SLC5A9: variants seen among roughly 807,000 people sequenced by gnomAD.
The protein encoded by SLC5A9 is solute carrier family 5 member 9.
In SLC5A9, 59 loss-of-function variants were observed where a neutral mutation model predicts 70.9. That is an observed-to-expected ratio of 0.83 (90% confidence interval 0.68 to 1.03). The LOEUF is 1.03. SLC5A9 is among the 50% of genes least tolerant of loss of function. The probability of loss-of-function intolerance (pLI) is 0.00; values close to 1 mark genes in which losing one functional copy is unlikely to be tolerated. For synonymous variants in SLC5A9, 340 were observed against 346.5 expected (o/e 0.98, Z 0.21); for missense variants, 832 against 881.1 (o/e 0.94, Z 0.71).
chr1:48,241,587 A>T (rs1163254125), intron 12 of SLC5A9, among the ~76,000 whole-genome samples: 1 of 152,152 alleles, frequency 6.6e-6, no homozygotes, highest in African/African-American at 2.4e-5. Context: ...GAGAAGAGAG[A>T]AAGCCACCAG....
At chr1:48,233,051 GAAAAGAAAAGAA>G (rs972125758) in intron 8 of SLC5A9, among the ~76,000 whole-genome samples, 11 of 151,016 alleles carry the variant, frequency 7.3e-5, no homozygotes, top group South Asian at 4.2e-4. Context: ...GAAAGAAAAA[GAAAAGAAAAGAA>G]AAAAGAAAAG....
Position 48,232,170 on chromosome 1 carries a change from T to C in SLC5A9, c.897+19T>C. On this transcript the variant is annotated intron_variant, in intron 7 of 13. Transcript: ENST00000438567. ...AGACCAGGTAATCCCCCAGCCAGGC[T>C]TAGCCCAGCCTGCCAGGAAGTGGGG... 1 of 1,598,200 alleles carries C rather than the reference T, an allele frequency of 6.3e-7. No homozygotes were observed. The highest frequency in any genetic ancestry group is 8.6e-7 in the Non-Finnish European group (1 of 1,168,922).
chr1:48,239,573 T>C lies in SLC5A9; in HGVS notation c.1677+36T>C, dbSNP rs1644369301. 1.3e-6 allele frequency: 2 copies of C among 1,582,124 alleles called. No homozygotes were observed. The highest frequency in any genetic ancestry group is 1.7e-6 in the Non-Finnish European group (2 of 1,151,034). On this transcript the variant is annotated intron_variant, in intron 12 of 13. Transcript: ENST00000438567. This position sits in a 1 kb window ranked among gnomAD's most constrained non-coding sequence, Gnocchi z 4.2. The stretch of plus-strand genomic sequence containing the variant: ...TGCTCATACTGAGGCCCTCCAGAAA[T>C]GCTCTCCCTTCCCCCATAGCCTAGA...
chr1:48,242,405 C>T, intron 12 of SLC5A9, 52 bp from the exon 13 acceptor site: 3 of 1,534,956 alleles, frequency 2.0e-6, no homozygotes, highest in Non-Finnish European at 2.6e-6. Context: ...TGTTCTTCTA[C>T]AGCATGACTT....
chr1:48,243,784 A>C lies in SLC5A9; in HGVS notation c.1837+1168A>C, dbSNP rs538279200. Among the ~76,000 whole-genome samples, 487 of 152,336 alleles carry C rather than the reference A, an allele frequency of 3.2e-3. 1 individual carries two copies. The highest frequency in any genetic ancestry group is 0.011 in the African/African-American group (459 of 41,562). On this transcript the variant is annotated intron_variant, in intron 13 of 13. Coordinates refer to ENST00000438567, the MANE Select transcript of SLC5A9 (RefSeq NM_001011547.3). The stretch of plus-strand genomic sequence containing the variant: ...AATAAATAAATAAATAAATTCCAAA[A>C]AGTTAAATAAGTTTGCAAATTAAAG...
At chr1:48,223,926 C>T (rs1644106587) in intron 1 of SLC5A9, among the ~76,000 whole-genome samples, 1 of 152,166 alleles carries the variant, frequency 6.6e-6, no homozygotes, top group Admixed American at 6.5e-5. Flanking sequence ...GCTCGTATGG[C>T]CTCCAAGAGG....
At chr1:48,240,237 A>G (rs1569859224) in intron 12 of SLC5A9, 1 of 152,266 alleles carries the variant, frequency 6.6e-6, no homozygotes, top group South Asian at 2.1e-4. Context: ...TGTGGCTTGT[A>G]AAAGACTGTC....
rs139728181 is a variant in SLC5A9, at chr1:48,243,903, C to T, written c.1837+1287C>T. On this transcript the variant is annotated intron_variant, in intron 13 of 13. Transcript: ENST00000438567. ...GCCTCAGTGAAAGAAAGTCTTAATACAAGTAGATGAATAAGACATTGTCTC... is the reference window on the plus strand; with the variant it reads ...GCCTCAGTGAAAGAAAGTCTTAATATAAGTAGATGAATAAGACATTGTCTC... Among the ~76,000 whole-genome samples the T allele has an allele frequency of 8.1e-4, 124 of 152,220 alleles. 1 individual carries two copies. In the East Asian group the frequency reaches 0.02, roughly 25 times the overall value.
intron 11 of SLC5A9, among the ~76,000 whole-genome samples, chr1:48,238,884 G>A (rs895872457): frequency 6.6e-6 from 1 of 152,208 alleles, no homozygotes; most frequent in Non-Finnish European, 1.5e-5. Flanking sequence ...TCTCTATTCT[G>A]ATTTCTGATT....
intron 10 of SLC5A9, among the ~76,000 whole-genome samples, chr1:48,236,263 T>A (rs184636907): frequency 1.4e-4 from 21 of 152,250 alleles, no homozygotes; most frequent in Non-Finnish European, 2.6e-4. Context: ...ATTAATTTGA[T>A]CCATCAGATT....
chr1:48,237,585 C>T, intron 10 of SLC5A9, 94 bp from the exon 11 acceptor site: 2 of 1,260,078 alleles, frequency 1.6e-6, no homozygotes, highest in Non-Finnish European at 2.2e-6. Context: ...CATTCCCCTT[C>T]TTTCTCCCTT....
chr1:48,237,483 A>C (rs1644342219), intron 10 of SLC5A9, among the ~76,000 whole-genome samples, 196 bp from the exon 11 acceptor site: 1 of 152,164 alleles, frequency 6.6e-6, no homozygotes, highest in Non-Finnish European at 1.5e-5. Context: ...CTTCAGTTCC[A>C]AAATTCCTAT....
chr1:48,235,646 C>T (rs1045385471), intron 9 of SLC5A9, 83 bp from the exon 10 acceptor site: 24 of 1,548,514 alleles, frequency 1.5e-5, no homozygotes, highest in South Asian at 1.3e-4. Context: ...CCTGACTCTA[C>T]AGAATGCTCC....
chr1:48,246,547 T>G (rs1278714557), intron 13 of SLC5A9, among the ~76,000 whole-genome samples: 1 of 152,206 alleles, frequency 6.6e-6, no homozygotes, highest in African/African-American at 2.4e-5. Context: ...AATATTTACC[T>G]TATTACTTCT....
At chr1:48,244,878 G>GTGTGTGTATGTATATATATATA (rs1391896495) in intron 13 of SLC5A9, among the ~76,000 whole-genome samples, 1 of 29,418 alleles carries the variant, frequency 3.4e-5, no homozygotes, top group African/African-American at 8.4e-5. Context: ...ATGTGTATGT[G>GTGTGTGTATGTATATATATATA]TATATATATA....
At chr1:48,230,035 T>C (rs1485656471) in intron 4 of SLC5A9, among the ~76,000 whole-genome samples, 1 of 152,260 alleles carries the variant, frequency 6.6e-6, no homozygotes, top group African/African-American at 2.4e-5. Flanking sequence ...TGAAAAACAC[T>C]TTAAGGCCCT....
Position 48,247,400 on chromosome 1 carries a change from CAGGCCCTGAGCCCA to C in SLC5A9, c.1904_1917del (p.Gln635ArgfsTer14). The C allele has an allele frequency of 1.2e-6, 2 of 1,614,140 alleles. No homozygotes were observed. The highest frequency in any genetic ancestry group is 1.7e-6 in the Non-Finnish European group (2 of 1,180,018). On this transcript the variant is annotated frameshift_variant, in exon 14 of 14. Coordinates refer to ENST00000438567, the MANE Select transcript of SLC5A9 (RefSeq NM_001011547.3). LOFTEE classifies it low-confidence loss of function (END_TRUNC). The stretch of plus-strand genomic sequence containing the variant: ...CTGTGGGCTCTCTGGAACACCGGAG[CAGGCCCTGAGCCCA>C]GCAGAGAAGGCTGCGCTAGAACAGA...
Position 48,229,333 on chromosome 1 carries a change from C to T in SLC5A9, c.378C>T (p.Val126=). ...TCCTGGCCCTTGGCTGGGTCTTCGT[C>T]CCTGTGTACATCGCAGCAGGTGTGG... ...WLLLALGWVF[V]PVYIAAGVVT... Residue 126 remains valine, a synonymous_variant, in exon 4 of 14, where the codon GTC becomes GTT. Coordinates refer to ENST00000438567, the MANE Select transcript of SLC5A9 (RefSeq NM_001011547.3). 1.2e-6 allele frequency: 2 copies of T among 1,614,074 alleles called. No individual in the cohort carries two copies. Among genetic ancestry groups the T allele is most frequent in the Non-Finnish European group, 1.7e-6 (2 of 1,179,924 alleles).
Position 48,247,781 on chromosome 1 carries a change from A to C in SLC5A9, c.*238A>C. On this transcript the variant is annotated 3_prime_UTR_variant, in exon 14 of 14. Transcript: ENST00000438567. ...AGAAGGTGTCACACGGGGTTTCCCC[A>C]CTCTTTCTGATATATTGCCTTACAG... is the stretch of plus-strand genomic sequence containing the variant. 5 of 569,088 alleles carry C rather than the reference A, an allele frequency of 8.8e-6. No individual in the cohort carries two copies. The highest frequency in any genetic ancestry group is 1.6e-5 in the Non-Finnish European group (5 of 317,812). The allele number at this position is 569,088 out of a possible 1,614,324, so 35.3% of individuals were successfully genotyped here.
Sources: gnomAD v4.1 joint callset for allele counts (sites outside exome capture counted in the v4.1 genomes callset) on GRCh38, gnomAD v4.1.1 for gene constraint, Gnocchi (gnomAD v3.1) non-coding constraint, MANE v1.5 for transcripts, NCBI Gene and HGNC (gene_info 2026-07-23, HGNC 2026-07-21) for gene names.